CNTN4: variants seen among roughly 807,000 people sequenced by gnomAD.
CNTN4 encodes contactin-4.
A neutral mutation model predicts 122.5 loss-of-function variants in CNTN4; 77 were observed. The ratio of observed to expected loss-of-function variants is 0.63; its 90% CI spans 0.52 to 0.76. CNTN4 has a LOEUF of 0.76. Ranked by LOEUF, CNTN4 falls within the 30% of genes least tolerant of loss-of-function variation. CNTN4 has a pLI of 0.00. For missense variants in CNTN4, 1,256 were observed against 1,259.1 expected (o/e 1.00, Z 0.04); for synonymous variants, 512 against 447.0 (o/e 1.15, Z -1.83).
chr3:2,355,579 C>T (rs770307907), intron 3 of CNTN4, among the ~76,000 whole-genome samples: 1 of 152,204 alleles, frequency 6.6e-6, no homozygotes, highest in Non-Finnish European at 1.5e-5. Context: ...AGCATTCTCT[C>T]TTCTTCCCCA....
At chr3:2,535,837 C>A (rs2077782434) in intron 3 of CNTN4, among the ~76,000 whole-genome samples, 1 of 151,986 alleles carries the variant, frequency 6.6e-6, no homozygotes, top group Non-Finnish European at 1.5e-5. Flanking sequence ...CAAAAATATC[C>A]CTTTCAGTAG....
chr3:2,292,143 T>C (rs2042157829), intron 2 of CNTN4, among the ~76,000 whole-genome samples: 1 of 152,194 alleles, frequency 6.6e-6, no homozygotes, highest in African/African-American at 2.4e-5. Context: ...TTGTAAAAAG[T>C]GGTACTTGTA....
At chr3:2,594,440 A>G (rs1349992961) in intron 4 of CNTN4, among the ~76,000 whole-genome samples, 29 of 139,102 alleles carry the variant, frequency 2.1e-4, no homozygotes, top group Non-Finnish European at 3.7e-4. Flanking sequence ...TTTTTTTGAG[A>G]CAGAGTCTTG....
intron 3 of CNTN4, among the ~76,000 whole-genome samples, chr3:2,361,846 T>C (rs2045157006): frequency 6.6e-6 from 1 of 152,194 alleles, no homozygotes; most frequent in Admixed American, 6.5e-5. Flanking sequence ...GACACATTGT[T>C]CTCATTAGCT....
At chr3:2,269,064 A>G (rs574297298) in intron 2 of CNTN4, among the ~76,000 whole-genome samples, 81 of 152,272 alleles carry the variant, frequency 5.3e-4, no homozygotes, top group Middle Eastern at 3.4e-3. Flanking sequence ...CACTGCCTGT[A>G]AAAGAGATGG....
chr3:2,498,414 C>T (rs1188636411), intron 3 of CNTN4, among the ~76,000 whole-genome samples: 1 of 152,146 alleles, frequency 6.6e-6, no homozygotes, highest in Non-Finnish European at 1.5e-5. Flanking sequence ...TTCTCCACAT[C>T]TTCCCTAGCA....
chr3:2,805,338 G>T (rs1576860788), intron 6 of CNTN4, among the ~76,000 whole-genome samples: 1 of 152,170 alleles, frequency 6.6e-6, no homozygotes, highest in African/African-American at 2.4e-5. Context: ...CTAGAATTCA[G>T]TTGCTGAAAA....
intron 2 of CNTN4, among the ~76,000 whole-genome samples, chr3:2,122,849 A>G (rs1049371290): frequency 6.6e-6 from 1 of 152,182 alleles, no homozygotes; most frequent in Non-Finnish European, 1.5e-5. Context: ...CCCAGGTAAA[A>G]CAGCTTATGT....
chr3:3,008,564 A>G (rs1000262736), intron 14 of CNTN4, among the ~76,000 whole-genome samples: 2 of 152,196 alleles, frequency 1.3e-5, no homozygotes, highest in African/African-American at 2.4e-5. Context: ...TGATTTCACT[A>G]CTTCGTCTCT....
intron 2 of CNTN4, among the ~76,000 whole-genome samples, chr3:2,188,469 G>T (rs562396161): frequency 6.6e-6 from 1 of 152,272 alleles, no homozygotes; most frequent in East Asian, 1.9e-4. Flanking sequence ...GGAGCTGGAG[G>T]GATGGAGGCT....
intron 2 of CNTN4, among the ~76,000 whole-genome samples, chr3:2,187,563 A>G (rs553845081): frequency 6.6e-6 from 1 of 152,176 alleles, no homozygotes; most frequent in African/African-American, 2.4e-5. Flanking sequence ...TGTGTAACTT[A>G]TAGTTAGCTC....
At chr3:2,417,834 CAT>C (rs2047472166) in intron 3 of CNTN4, among the ~76,000 whole-genome samples, 1 of 152,040 alleles carries the variant, frequency 6.6e-6, no homozygotes, top group African/African-American at 2.4e-5. Context: ...CATGAAAAGA[CAT>C]AGAAGAAACT....
At chr3:2,158,598 A>C (rs1009165609) in intron 2 of CNTN4, among the ~76,000 whole-genome samples, 8 of 152,212 alleles carry the variant, frequency 5.3e-5, no homozygotes, top group Non-Finnish European at 1.2e-4. Flanking sequence ...GATACATGGA[A>C]GTGAATATGT....
At chr3:2,599,009 T>A (rs560222129) in intron 4 of CNTN4, among the ~76,000 whole-genome samples, 35 of 152,358 alleles carry the variant, frequency 2.3e-4, no homozygotes, top group Admixed American at 5.2e-4. Context: ...AATACATTAT[T>A]GGTAATAACT....
At chr3:2,619,021 T>C (rs1407270786) in intron 4 of CNTN4, among the ~76,000 whole-genome samples, 1 of 152,198 alleles carries the variant, frequency 6.6e-6, no homozygotes, top group Non-Finnish European at 1.5e-5. Context: ...TATACCTCTC[T>C]GTTGTGCCTT....
intron 13 of CNTN4, among the ~76,000 whole-genome samples, chr3:2,937,832 C>T (rs1349742809): frequency 1.3e-5 from 2 of 152,046 alleles, no homozygotes; most frequent in South Asian, 2.1e-4. Flanking sequence ...AGAAAATGCT[C>T]CACAGAGAGA....
intron 2 of CNTN4, among the ~76,000 whole-genome samples, chr3:2,228,210 G>GC (rs1220237530): frequency 1.3e-5 from 2 of 151,582 alleles, no homozygotes; most frequent in East Asian, 3.9e-4. Context: ...GCAATCCATA[G>GC]CCCACTGGCC....
intron 15 of CNTN4, among the ~76,000 whole-genome samples, chr3:3,027,052 T>G (rs1698784065): frequency 6.6e-6 from 1 of 152,126 alleles, no homozygotes; most frequent in Admixed American, 6.6e-5. Flanking sequence ...TGAAAAGCTC[T>G]CCCCACTTCC....
intron 6 of CNTN4, among the ~76,000 whole-genome samples, chr3:2,761,615 T>C (rs948609433): frequency 1.3e-5 from 2 of 152,184 alleles, no homozygotes; most frequent in South Asian, 2.1e-4. Flanking sequence ...TCTGGCTCTC[T>C]CACTGGTCCA....
Sources: allele counts gnomAD v4.1 joint callset (sites outside exome capture counted in the v4.1 genomes callset), GRCh38; gene constraint gnomAD v4.1.1; transcripts MANE v1.5; gene names NCBI Gene and HGNC (gene_info 2026-07-23, HGNC 2026-07-21).